NAALADL2: variants seen among roughly 807,000 people sequenced by gnomAD.
NAALADL2 encodes N-acetylated alpha-linked acidic dipeptidase like 2.
A neutral mutation model predicts 87.2 loss-of-function variants in NAALADL2; 76 were observed. The observed-to-expected ratio is 0.87, with a 90% confidence interval of 0.72 to 1.05. The LOEUF is 1.05. Among genes scored for constraint, NAALADL2 ranks in the 50% least tolerant of loss-of-function variants. The pLI is 0.00. For missense variants in NAALADL2, 1,089 were observed against 945.8 expected (o/e 1.15, Z -1.99); for synonymous variants, 354 against 331.0 (o/e 1.07, Z -0.75).
intron 3 of NAALADL2, among the ~76,000 whole-genome samples, chr3:174,810,269 G>T (rs368630054): frequency 6.6e-5 from 10 of 152,212 alleles, no homozygotes; most frequent in African/African-American, 1.9e-4. Flanking sequence ...GAGTTTGGAG[G>T]TCTCAGAAGA....
chr3:174,945,443 T>G (rs1403651377), intron 1 of NAALADL2, among the ~76,000 whole-genome samples: 1 of 152,206 alleles, frequency 6.6e-6, no homozygotes, highest in Non-Finnish European at 1.5e-5. Flanking sequence ...TTTAAAATTC[T>G]AATCTTGAAT....
chr3:175,379,964 CTGCA>C lies in NAALADL2; in HGVS notation c.1090+55642_1090+55645del, dbSNP rs1767599647. 1.3e-5 allele frequency among the ~76,000 whole-genome samples: 2 copies of C among 152,078 alleles called. 1 individual carries two copies. The highest frequency in any genetic ancestry group is 4.1e-4 in the South Asian group (2 of 4,822). ...TATCACAAGGACAAAAAACCAAACA[CTGCA>C]TGTTCTCACTCATAGGTGGGAATTG... On this transcript the variant is annotated intron_variant, in intron 5 of 13. Transcript: ENST00000454872.
Position 175,220,459 on chromosome 3 carries a change from A to G in NAALADL2, c.546-13472A>G, listed in dbSNP as rs564694054. On this transcript the variant is annotated intron_variant, in intron 2 of 13. Transcript: ENST00000454872. ...CTTAGATTTTTAAGGACATTTTTCT[A>G]CTTTACAAAATTTTTAAATGCATTG... Among the ~76,000 whole-genome samples the G allele has an allele frequency of 4.6e-5, 7 of 152,026 alleles. No homozygotes were observed. In the South Asian group the frequency reaches 1.5e-3, roughly 32 times the overall value.
intron 11 of NAALADL2, among the ~76,000 whole-genome samples, chr3:175,628,892 T>C (rs981958834): frequency 1.7e-4 from 25 of 150,268 alleles, no homozygotes; most frequent in African/African-American, 6.1e-4. Flanking sequence ...TAAAAAGAGT[T>C]TGAATTACAT....
chr3:174,625,545 A>G (rs1195053664), intron 2 of NAALADL2, among the ~76,000 whole-genome samples: 1 of 151,874 alleles, frequency 6.6e-6, no homozygotes, highest in Non-Finnish European at 1.5e-5. Context: ...AAGTGATACA[A>G]AACATTTTAG....
chr3:174,649,438 A>G (rs1724137642), intron 2 of NAALADL2, among the ~76,000 whole-genome samples: 1 of 152,106 alleles, frequency 6.6e-6, no homozygotes, highest in South Asian at 2.1e-4. Flanking sequence ...TTTCCATTAC[A>G]TCCTTATGCA....
intron 1 of NAALADL2, among the ~76,000 whole-genome samples, chr3:174,443,278 C>T (rs1022991874): frequency 4.6e-5 from 7 of 152,014 alleles, no homozygotes; most frequent in African/African-American, 1.5e-4. Context: ...GTGGCTTAGA[C>T]CCGGATGATA....
chr3:175,579,896 C>A (rs1398536428), intron 10 of NAALADL2, among the ~76,000 whole-genome samples: 1 of 152,088 alleles, frequency 6.6e-6, no homozygotes, highest in Non-Finnish European at 1.5e-5. Flanking sequence ...ATCAGAAGAT[C>A]AATCCATGCC....
At chr3:174,526,268 T>C (rs572946187) in intron 1 of NAALADL2, among the ~76,000 whole-genome samples, 1 of 152,314 alleles carries the variant, frequency 6.6e-6, no homozygotes, top group East Asian at 1.9e-4. Context: ...TGGACTAGCA[T>C]TTCTGTGTAA....
chr3:174,768,318 A>C (rs1157881815), intron 3 of NAALADL2, among the ~76,000 whole-genome samples: 3 of 152,192 alleles, frequency 2.0e-5, no homozygotes, highest in African/African-American at 7.2e-5. Context: ...GCTGGGAGGC[A>C]GTACAACTTA....
intron 13 of NAALADL2, among the ~76,000 whole-genome samples, chr3:175,786,602 T>G (rs1752000533): frequency 6.6e-6 from 1 of 152,152 alleles, no homozygotes; most frequent in Non-Finnish European, 1.5e-5. Flanking sequence ...TACATTCTTC[T>G]AAATTTTTTT....
chr3:174,561,407 G>A (rs1208877065), intron 2 of NAALADL2, among the ~76,000 whole-genome samples: 1 of 151,794 alleles, frequency 6.6e-6, no homozygotes, highest in East Asian at 2.0e-4. Flanking sequence ...TCACCATATT[G>A]GTCAGAATGG....
At chr3:175,637,446 A>G (rs546418307) in intron 11 of NAALADL2, among the ~76,000 whole-genome samples, 1 of 152,304 alleles carries the variant, frequency 6.6e-6, no homozygotes, top group Admixed American at 6.5e-5. Context: ...ATTGATGCCC[A>G]GTGTTGGAGG....
rs562210341 is a variant in NAALADL2, at chr3:174,659,092, C to A, written c.-114-78549C>A. On this transcript the variant is annotated intron_variant, in intron 2 of 3. Transcript: ENST00000434257. Reference sequence around the variant, plus strand: ...TAGTGATTAATACTAATGTTTATATCCTTACTTGGTCTGTGTTTGGTGTAT... The same window carrying A: ...TAGTGATTAATACTAATGTTTATATACTTACTTGGTCTGTGTTTGGTGTAT... Among the ~76,000 whole-genome samples, 453 of 152,168 alleles carry A rather than the reference C, an allele frequency of 3.0e-3. 8 individuals carry two copies. The highest frequency in any genetic ancestry group is 0.018 in the South Asian group (85 of 4,826).
At chr3:174,915,971 A>G (rs897884659) in intron 1 of NAALADL2, among the ~76,000 whole-genome samples, 11 of 152,190 alleles carry the variant, frequency 7.2e-5, no homozygotes, top group Non-Finnish European at 1.6e-4. Flanking sequence ...TTCACAAACT[A>G]TGCATCTGAT....
At chr3:174,742,758 T>C (rs923344762) in intron 3 of NAALADL2, among the ~76,000 whole-genome samples, 5 of 151,692 alleles carry the variant, frequency 3.3e-5, no homozygotes, top group Non-Finnish European at 7.4e-5. Flanking sequence ...CATTTAAGTA[T>C]TTAAAACTTT....
chr3:174,792,013 G>A (rs1401484592), intron 3 of NAALADL2, among the ~76,000 whole-genome samples: 9 of 151,994 alleles, frequency 5.9e-5, no homozygotes, highest in African/African-American at 1.9e-4. Context: ...GTTCGAGACC[G>A]GCCTGGCCAA....
At chr3:174,459,910 G>C (rs1389513069) in intron 1 of NAALADL2, 1 of 152,058 alleles carries the variant, frequency 6.6e-6, no homozygotes, top group African/African-American at 2.4e-5. Flanking sequence ...ACATTAGCTG[G>C]AAACATTCCT....
chr3:175,234,079 ACT>A lies in NAALADL2; in HGVS notation c.697_698del (p.Leu233GlufsTer10). 6.2e-7 allele frequency: 1 copy of A among 1,613,838 alleles called. No homozygotes were observed. Among genetic ancestry groups the A allele is most frequent in the Non-Finnish European group, 8.5e-7 (1 of 1,179,816 alleles). On this transcript the variant is annotated frameshift_variant, in exon 3 of 14. Coordinates refer to ENST00000454872, the MANE Select transcript of NAALADL2 (RefSeq NM_207015.3). LOFTEE classifies it high-confidence loss of function. ...DLPGPSPSTV[T>X]LSSSGQCFHP... The stretch of plus-strand genomic sequence containing the variant: ...GCCAGGCCCTTCTCCCAGCACTGTG[ACT>A]CTGAGCAGCAGTGGTCAATGCTTTC...
Sources: gnomAD v4.1 joint callset for allele counts (sites outside exome capture counted in the v4.1 genomes callset) on GRCh38, gnomAD v4.1.1 for gene constraint, MANE v1.5 for transcripts, NCBI Gene and HGNC (gene_info 2026-07-23, HGNC 2026-07-21) for gene names.